Variants in FER observed in about 807,000 individuals in gnomAD.
The protein encoded by FER is tyrosine-protein kinase Fer.
A neutral mutation model predicts 111.0 loss-of-function variants in FER; 63 were observed. The observed-to-expected ratio is 0.57, with a 90% confidence interval of 0.46 to 0.70. The LOEUF (loss-of-function observed/expected upper bound fraction) is 0.70, where lower values mean the gene tolerates loss of function less well. FER is among the 30% of genes least tolerant of loss of function. FER has a pLI of 0.00. For synonymous variants in FER, 327 were observed against 313.9 expected (o/e 1.04, Z -0.44); for missense variants, 914 against 954.0 (o/e 0.96, Z 0.55).
intron 13 of FER, among the ~76,000 whole-genome samples, chr5:108,980,242 G>T (rs1761876385): frequency 6.6e-6 from 1 of 152,032 alleles, no homozygotes. Context: ...ATTCATTTCA[G>T]CCATGTACCA....
intron 10 of FER, among the ~76,000 whole-genome samples, chr5:108,934,704 G>T (rs1581269795): frequency 1.3e-5 from 2 of 152,208 alleles, no homozygotes; most frequent in Admixed American, 1.3e-4. Flanking sequence ...ATAGCCAGAG[G>T]GAGATTATCC....
At chr5:109,018,865 A>C (rs947890816) in intron 13 of FER, among the ~76,000 whole-genome samples, 2 of 151,608 alleles carry the variant, frequency 1.3e-5, no homozygotes, top group Non-Finnish European at 3.0e-5. Flanking sequence ...TGTTTGGACA[A>C]ATAGTAGAGG....
chr5:109,102,838 A>C (rs988018996), intron 17 of FER, among the ~76,000 whole-genome samples: 4 of 152,100 alleles, frequency 2.6e-5, no homozygotes, highest in Non-Finnish European at 5.9e-5. Flanking sequence ...TATTGATAAA[A>C]TAAATTATTC....
chr5:109,109,850 G>C (rs1749388783), intron 17 of FER, among the ~76,000 whole-genome samples: 1 of 152,116 alleles, frequency 6.6e-6, no homozygotes, highest in Non-Finnish European at 1.5e-5. Flanking sequence ...GTAGGGCCTT[G>C]TTGAATCTGA....
rs372794297 is a variant in FER, at chr5:108,867,906, T to C, written c.621T>C (p.Leu207=). 22 of 1,612,266 alleles carry C rather than the reference T, an allele frequency of 1.4e-5. No individual in the cohort carries two copies. In the African/African-American group the frequency reaches 2.9e-4, roughly 22 times the overall value. ...ATTATGATATCACACTTCCCCTGCT[T>C]CTGGACTCCTTACAAAAGATGCAAG... is the stretch of plus-strand genomic sequence containing the variant. ...NQYYDITLPL[L]LDSLQKMQEE... is the part of the protein sequence containing the mutation. The change falls in exon 6 of 20, where the codon CTT becomes CTC. Residue 207 remains leucine, a synonymous_variant. Transcript: ENST00000281092.
chr5:108,951,802 T>C (rs896910621), intron 11 of FER, among the ~76,000 whole-genome samples: 1 of 151,974 alleles, frequency 6.6e-6, no homozygotes, highest in African/African-American at 2.4e-5. Context: ...AACATTTTTG[T>C]TTTTGCCTCC....
intron 16 of FER, among the ~76,000 whole-genome samples, chr5:109,089,996 G>C (rs1777984872): frequency 6.6e-6 from 1 of 152,134 alleles, no homozygotes; most frequent in African/African-American, 2.4e-5. Context: ...CCCAACTTGT[G>C]GTTTCTTCTT....
chr5:108,871,538 CAGT>C lies in FER; in HGVS notation c.803+38_803+40del, dbSNP rs768440596. Reference sequence around the variant, plus strand: ...TTTATTCCTCTTTAAGGATTTATGACAGTATTATTTTTCATTCATACAATAGTT... The same window carrying C: ...TTTATTCCTCTTTAAGGATTTATGACATTATTTTTCATTCATACAATAGTT... On this transcript the variant is annotated intron_variant, in intron 7 of 19. Coordinates refer to ENST00000281092, the MANE Select transcript of FER (RefSeq NM_005246.4). The C allele has an allele frequency of 8.7e-6, 13 of 1,499,104 alleles. No individual in the cohort carries two copies. In the South Asian group the frequency reaches 1.6e-4, roughly 19 times the overall value. The allele number at this position is 1,499,104 out of a possible 1,614,324, so 92.9% of individuals were successfully genotyped here. A position where few individuals can be genotyped will look rare whatever the true frequency, so the allele number is the denominator to read the frequency against.
chr5:109,193,612 C>T lies in FER; in HGVS notation c.*6037C>T, dbSNP rs951098589. 7 of 152,126 alleles carry T rather than the reference C, an allele frequency of 4.6e-5. No individual in the cohort carries two copies. Among genetic ancestry groups the T allele is most frequent in the African/African-American group, 1.7e-4 (7 of 41,416 alleles). 9.4% of individuals were successfully genotyped at this position (152,126 alleles called of 1,614,324 possible). A position where few individuals can be genotyped will look rare whatever the true frequency, so the allele number is the denominator to read the frequency against. On this transcript the variant is annotated 3_prime_UTR_variant, in exon 20 of 20. Transcript: ENST00000281092. Reference sequence around the variant, plus strand: ...ATGTTTTCGCTCAGCTGTATTCATTCAGAAAGTTTTTCTTGAACATCTGCC... The same window carrying T: ...ATGTTTTCGCTCAGCTGTATTCATTTAGAAAGTTTTTCTTGAACATCTGCC...
intron 5 of FER, among the ~76,000 whole-genome samples, chr5:108,844,840 T>A (rs1238064504): frequency 6.6e-6 from 1 of 151,124 alleles, no homozygotes; most frequent in Non-Finnish European, 1.5e-5. Context: ...TATGAGTAAT[T>A]CACTTTTTAA....
chr5:108,785,637 AG>A, intron 2 of FER: 1 of 361,764 alleles, frequency 2.8e-6, no homozygotes, highest in Non-Finnish European at 5.4e-6. Flanking sequence ...ATGGTGAAGG[AG>A]AGTGTTTCCC....
At chr5:109,079,440 G>C (rs1336557761) in intron 16 of FER, among the ~76,000 whole-genome samples, 1 of 152,054 alleles carries the variant, frequency 6.6e-6, no homozygotes, top group Non-Finnish European at 1.5e-5. Flanking sequence ...TCTGAAGTGT[G>C]GACTGAATTG....
rs1407177548 is a variant in FER at position 108,798,497 on chromosome 5, G to A, written c.207+108G>A. 3 of 871,376 alleles carry A rather than the reference G, an allele frequency of 3.4e-6. No homozygotes were observed. The East Asian group carries it at 7.9e-5, about 23-fold the overall frequency. The allele number at this position is 871,376 out of a possible 1,614,324, so 54.0% of individuals were successfully genotyped here. On this transcript the variant is annotated intron_variant, in intron 3 of 19. Coordinates refer to ENST00000281092, the MANE Select transcript of FER (RefSeq NM_005246.4). ...ATACTTAAGTCAGCATTCTAAAGCAGTGATTCCACAGTTTTACAGAGTATG... is the reference window on the plus strand; with the variant it reads ...ATACTTAAGTCAGCATTCTAAAGCAATGATTCCACAGTTTTACAGAGTATG...
chr5:108,871,319 CTT>C (rs755887525), intron 6 of FER, 44 bp from the exon 7 acceptor site: 1 of 1,516,098 alleles, frequency 6.6e-7, no homozygotes, highest in South Asian at 1.2e-5. Flanking sequence ...TAGTATCTCT[CTT>C]GATAAAACTT....
chr5:108,879,720 A>ATATATATATATT (rs1372736461), intron 8 of FER, among the ~76,000 whole-genome samples: 2 of 140,634 alleles, frequency 1.4e-5, no homozygotes, highest in East Asian at 4.0e-4. Context: ...ATATATATAT[A>ATATATATATATT]TATATTTGAG....
chr5:109,108,609 AG>A (rs1220047580), intron 17 of FER, among the ~76,000 whole-genome samples: 3 of 152,172 alleles, frequency 2.0e-5, no homozygotes, highest in African/African-American at 4.8e-5. Context: ...GATCAATCTC[AG>A]TACAGTGGAA....
chr5:109,090,527 C>T (rs527852420), intron 16 of FER, among the ~76,000 whole-genome samples: 6 of 152,002 alleles, frequency 3.9e-5, no homozygotes, highest in African/African-American at 1.2e-4. Flanking sequence ...TTATTAATTA[C>T]CTGACAAATA....
intron 13 of FER, among the ~76,000 whole-genome samples, chr5:108,994,328 G>C (rs1252565511): frequency 6.6e-6 from 1 of 152,094 alleles, no homozygotes; most frequent in Non-Finnish European, 1.5e-5. Context: ...TTCTCCATAT[G>C]GCTAGCCAGT....
chr5:108,844,901 A>G (rs1175389710), intron 5 of FER, among the ~76,000 whole-genome samples: 1 of 146,538 alleles, frequency 6.8e-6, no homozygotes, highest in Non-Finnish European at 1.5e-5. Flanking sequence ...TTGTTTATCC[A>G]TTTTCCTGTT....
Sources: allele counts gnomAD v4.1 joint callset (sites outside exome capture counted in the v4.1 genomes callset), GRCh38; gene constraint gnomAD v4.1.1; transcripts MANE v1.5; gene names NCBI Gene and HGNC (gene_info 2026-07-23, HGNC 2026-07-21).